The following USP46 variants were observed in gnomAD, a reference collection of about 807,000 sequenced individuals.
USP46 encodes ubiquitin carboxyl-terminal hydrolase 46.
Under a neutral mutation model 44.4 loss-of-function variants are expected in USP46, and 12 were observed. The observed-to-expected ratio is 0.27, with a 90% confidence interval of 0.17 to 0.44. The LOEUF is 0.44. Among genes scored for constraint, USP46 ranks in the 20% least tolerant of loss-of-function variants. USP46 has a pLI of 1.00. For missense variants in USP46, 248 were observed against 444.8 expected, an observed-to-expected ratio of 0.56 and a Z score of 3.98; for synonymous variants, 155 against 161.5, an observed-to-expected ratio of 0.96 and a Z score of 0.31.
intron 4 of USP46, among the ~76,000 whole-genome samples, chr4:52,614,856 G>A (rs1269128810): frequency 6.6e-6 from 1 of 152,090 alleles, no homozygotes; most frequent in Non-Finnish European, 1.5e-5. Flanking sequence ...ACAGCATAAA[G>A]AACAAGGTAG....
chr4:52,649,911 C>A (rs1718690887), intron 1 of USP46, among the ~76,000 whole-genome samples: 1 of 152,210 alleles, frequency 6.6e-6, no homozygotes, highest in Non-Finnish European at 1.5e-5. Context: ...CACACACATA[C>A]ACACGCAGGT....
rs1716260031 is a variant in USP46 at position 52,596,744 on chromosome 4, G to A, written c.*896C>T. The A allele has an allele frequency of 6.6e-6, 1 of 152,624 alleles. No homozygotes were observed. Among genetic ancestry groups the A allele is most frequent in the African/African-American group, 2.4e-5 (1 of 41,434 alleles). The allele number at this position is 152,624 out of a possible 1,614,324, so 9.5% of individuals were successfully genotyped here. On this transcript the variant is annotated 3_prime_UTR_variant, in exon 9 of 9. Transcript: ENST00000441222. ...ATGCCGTGCTGACTGGCTAAGGGGAGGTTTGCCAGCCCTGCAGCCATTGAC... is the reference window on the plus strand; with the variant it reads ...ATGCCGTGCTGACTGGCTAAGGGGAAGTTTGCCAGCCCTGCAGCCATTGAC...
intron 1 of USP46, among the ~76,000 whole-genome samples, chr4:52,650,471 G>A (rs552012657): frequency 1.3e-5 from 2 of 152,288 alleles, no homozygotes; most frequent in East Asian, 1.9e-4. Context: ...GTTTGCTCTG[G>A]GAGGAAGAGA....
chr4:52,612,908 G>A (rs1302039649), intron 4 of USP46, among the ~76,000 whole-genome samples: 1 of 152,150 alleles, frequency 6.6e-6, no homozygotes, highest in African/African-American at 2.4e-5. Context: ...TATGTTTACT[G>A]TCTGTCTCCC....
At chr4:52,615,191 C>T (rs1383015465) in intron 4 of USP46, among the ~76,000 whole-genome samples, 1 of 151,630 alleles carries the variant, frequency 6.6e-6, no homozygotes, top group Admixed American at 6.6e-5. Flanking sequence ...CAATAATTAC[C>T]ATAAACATTA....
chr4:52,656,484 T>G, intron 1 of USP46: 1 of 1,453,408 alleles, frequency 6.9e-7, no homozygotes, highest in Non-Finnish European at 9.0e-7. Flanking sequence ...GGATTCCCAC[T>G]CCAGCCTTCC....
chr4:52,606,033 C>T (rs1485807841), intron 5 of USP46, among the ~76,000 whole-genome samples: 1 of 152,232 alleles, frequency 6.6e-6, no homozygotes, highest in Non-Finnish European at 1.5e-5. Flanking sequence ...TTCTTCCCAG[C>T]ATCTGAAACC....
At chr4:52,658,225 G>A (rs1400999941) in intron 1 of USP46, 15 of 455,932 alleles carry the variant, frequency 3.3e-5, no homozygotes, top group Non-Finnish European at 5.7e-5. Flanking sequence ...CAAAGGCTCT[G>A]ACAAGTGGAG....
chr4:52,634,104 T>C (rs1247577766), intron 1 of USP46, among the ~76,000 whole-genome samples: 1 of 152,036 alleles, frequency 6.6e-6, no homozygotes, highest in Non-Finnish European at 1.5e-5. Context: ...GTAAAAACAT[T>C]TTCGTGTCTT....
intron 7 of USP46, among the ~76,000 whole-genome samples, chr4:52,599,662 G>C (rs1425305104): frequency 6.6e-6 from 1 of 152,170 alleles, no homozygotes; most frequent in Non-Finnish European, 1.5e-5. Flanking sequence ...ATGTAGTTAG[G>C]TTAGATTTGC....
chr4:52,614,749 T>C (rs1048485421), intron 4 of USP46, among the ~76,000 whole-genome samples: 1 of 152,224 alleles, frequency 6.6e-6, no homozygotes, highest in African/African-American at 2.4e-5. Flanking sequence ...TTTTTTCCTC[T>C]TAATTTTTGT....
At chr4:52,635,710 A>C (rs1176862890) in intron 1 of USP46, among the ~76,000 whole-genome samples, 1 of 152,134 alleles carries the variant, frequency 6.6e-6, no homozygotes, top group African/African-American at 2.4e-5. Context: ...AGCATCTCCC[A>C]TATCAAAAAT....
At chr4:52,603,070 G>T (rs1382491805) in intron 6 of USP46, among the ~76,000 whole-genome samples, 1 of 152,172 alleles carries the variant, frequency 6.6e-6, no homozygotes, top group Non-Finnish European at 1.5e-5. Flanking sequence ...ATAGTTTTAA[G>T]GAATCTATTA....
chr4:52,619,284 A>G lies in USP46; in HGVS notation c.561+6734T>C, dbSNP rs114477464. Among the ~76,000 whole-genome samples, 999 of 151,832 alleles carry G rather than the reference A, an allele frequency of 6.6e-3. 8 individuals are homozygous for G. The highest frequency in any genetic ancestry group is 0.017 in the Middle Eastern group (5 of 294). On this transcript the variant is annotated intron_variant, in intron 4 of 8. Coordinates refer to ENST00000441222, the MANE Select transcript of USP46 (RefSeq NM_022832.4). ...CACTGCAATCATAAGCAACATTTAC[A>G]AAGGGTGAGACCCAGGAAAAAAAAA...
chr4:52,611,288 C>T (rs770101201), intron 4 of USP46, among the ~76,000 whole-genome samples: 5 of 152,202 alleles, frequency 3.3e-5, no homozygotes, highest in East Asian at 1.9e-4. Context: ...TGAGCCGGTT[C>T]GGTGGCCCCA....
chr4:52,641,345 G>A (rs1030065287), intron 1 of USP46, among the ~76,000 whole-genome samples: 5 of 152,112 alleles, frequency 3.3e-5, no homozygotes, highest in African/African-American at 1.2e-4. Flanking sequence ...TCTGAGCTGG[G>A]ACAAGTTCCA....
intron 1 of USP46, among the ~76,000 whole-genome samples, chr4:52,654,770 C>A (rs917197614): frequency 6.6e-6 from 1 of 152,134 alleles, no homozygotes; most frequent in Non-Finnish European, 1.5e-5. Context: ...GTTCTACAGA[C>A]GCTAAAATGC....
In USP46 at chr4:52,596,704, T is replaced by G. The variant is rs569036611; in HGVS notation, c.*936A>C. 6.5e-6 allele frequency: 1 copy of G among 152,676 alleles called. No homozygotes were observed. The highest frequency in any genetic ancestry group is 1.5e-5 in the Non-Finnish European group (1 of 68,044). 9.5% of individuals were successfully genotyped at this position (152,676 alleles called of 1,614,324 possible). A position where few individuals can be genotyped will look rare whatever the true frequency, so the allele number is the denominator to read the frequency against. On this transcript the variant is annotated 3_prime_UTR_variant, in exon 9 of 9. Coordinates refer to ENST00000441222, the MANE Select transcript of USP46 (RefSeq NM_022832.4). ...TGGAAAGATGTAGTACCTTTGTTAT[T>G]CCTGATAAGGAACAATGCCGTGCTG...
chr4:52,644,964 G>T (rs2109659674), intron 1 of USP46, among the ~76,000 whole-genome samples: 1 of 152,238 alleles, frequency 6.6e-6, no homozygotes. Context: ...GGCTGAGGCA[G>T]GAGAATTGCT....
Sources: gnomAD v4.1 joint callset for allele counts (sites outside exome capture counted in the v4.1 genomes callset) on GRCh38, gnomAD v4.1.1 for gene constraint, MANE v1.5 for transcripts, NCBI Gene and HGNC (gene_info 2026-07-23, HGNC 2026-07-21) for gene names.